The following SDCCAG8 variants were observed in gnomAD, a reference collection of about 807,000 sequenced individuals.
SDCCAG8 encodes SHH signaling and ciliogenesis regulator SDCCAG8, also known as serologically defined colon cancer antigen 8.
In SDCCAG8, 74 loss-of-function variants were observed where a neutral mutation model predicts 101.8. That is an observed-to-expected ratio of 0.73 (90% CI 0.60 to 0.88). SDCCAG8 has a LOEUF of 0.88. Among genes scored for constraint, SDCCAG8 ranks in the 40% least tolerant of loss-of-function variants. SDCCAG8 has a pLI of 0.00. For missense variants in SDCCAG8, 787 were observed against 822.6 expected, an observed-to-expected ratio of 0.96 and a Z score of 0.53; for synonymous variants, 281 against 292.9, an observed-to-expected ratio of 0.96 and a Z score of 0.41.
rs564739505 is a variant in SDCCAG8, at chr1:243,312,638, G to A, written c.930-4117G>A. ...GGAGAATTGCTTGAACCTGGGAGGCGGAGGTTGCAGTGAGCCAAGATTGCG... is the reference window on the plus strand; with the variant it reads ...GGAGAATTGCTTGAACCTGGGAGGCAGAGGTTGCAGTGAGCCAAGATTGCG... On this transcript the variant is annotated intron_variant, in intron 8 of 17. Coordinates refer to ENST00000366541, the MANE Select transcript of SDCCAG8 (RefSeq NM_006642.5). Among the ~76,000 whole-genome samples the A allele has an allele frequency of 3.8e-4, 58 of 151,830 alleles. 1 individual carries two copies. Among genetic ancestry groups the A allele is most frequent in the East Asian group, 1.9e-4 (1 of 5,158 alleles).
chr1:243,420,533 G>A (rs948198582), intron 15 of SDCCAG8, among the ~76,000 whole-genome samples: 3 of 152,176 alleles, frequency 2.0e-5, no homozygotes, highest in African/African-American at 7.2e-5. Context: ...TCAGGAAAAT[G>A]TGGATCTAGT....
intron 17 of SDCCAG8, among the ~76,000 whole-genome samples, chr1:243,492,561 C>T (rs1463009333): frequency 6.7e-6 from 1 of 150,164 alleles, no homozygotes; most frequent in East Asian, 2.0e-4. Context: ...ACCTTAGCCT[C>T]CTAAAGTGCT....
At chr1:243,490,118 AGAG>A (rs1388405583) in intron 17 of SDCCAG8, among the ~76,000 whole-genome samples, 1 of 152,378 alleles carries the variant, frequency 6.6e-6, no homozygotes, top group African/African-American at 2.4e-5. Flanking sequence ...ATGAAAACGA[AGAG>A]GAGTCTCATT....
At chr1:243,373,643 A>G (rs965054864) in intron 12 of SDCCAG8, among the ~76,000 whole-genome samples, 2 of 152,136 alleles carry the variant, frequency 1.3e-5, no homozygotes, top group African/African-American at 4.8e-5. Flanking sequence ...AATCACCAGA[A>G]CATGAGCTAA....
intron 6 of SDCCAG8, among the ~76,000 whole-genome samples, chr1:243,303,200 G>T (rs2071715137): frequency 6.6e-6 from 1 of 152,286 alleles, no homozygotes; most frequent in East Asian, 1.9e-4. Flanking sequence ...AGACATAGAA[G>T]AATCAGTGCC....
At chr1:243,343,827 A>G (rs2075529479) in intron 11 of SDCCAG8, among the ~76,000 whole-genome samples, 1 of 152,250 alleles carries the variant, frequency 6.6e-6, no homozygotes, top group Admixed American at 6.5e-5. Flanking sequence ...ATATAGAGTG[A>G]ATATTTAACT....
intron 12 of SDCCAG8, among the ~76,000 whole-genome samples, chr1:243,374,796 A>G (rs2077498571): frequency 2.0e-5 from 3 of 152,122 alleles, no homozygotes; most frequent in South Asian, 4.1e-4. Context: ...TTGACAGAAG[A>G]TAGAGATCAA....
chr1:243,491,277 A>T (rs1666347990), intron 17 of SDCCAG8, among the ~76,000 whole-genome samples: 1 of 152,190 alleles, frequency 6.6e-6, no homozygotes, highest in Non-Finnish European at 1.5e-5. Context: ...CATTAAAAAA[A>T]CCCCAAACCT....
chr1:243,271,648 T>G (rs1238579933), intron 3 of SDCCAG8, among the ~76,000 whole-genome samples: 1 of 152,084 alleles, frequency 6.6e-6, no homozygotes, highest in Admixed American at 6.6e-5. Context: ...GTTCAAGCGA[T>G]TCTCCTGCCT....
At chr1:243,436,302 A>T (rs1441376753) in intron 16 of SDCCAG8, among the ~76,000 whole-genome samples, 1 of 150,804 alleles carries the variant, frequency 6.6e-6, no homozygotes, top group East Asian at 2.0e-4. Context: ...TGTTGTAGCT[A>T]TTGTCCTACC....
At chr1:243,390,559 T>C (rs1352957937) in intron 13 of SDCCAG8, among the ~76,000 whole-genome samples, 1 of 152,204 alleles carries the variant, frequency 6.6e-6, no homozygotes, top group Non-Finnish European at 1.5e-5. Flanking sequence ...TTGCAGGTTC[T>C]GCTTAACGTT....
chr1:243,260,532 G>A (rs1276065479), intron 1 of SDCCAG8, among the ~76,000 whole-genome samples: 1 of 152,176 alleles, frequency 6.6e-6, no homozygotes, highest in Admixed American at 6.5e-5. Context: ...TCTATTTTAA[G>A]TACTGCACAC....
intron 15 of SDCCAG8, among the ~76,000 whole-genome samples, chr1:243,424,884 G>A (rs2081240030): frequency 6.6e-6 from 1 of 151,846 alleles, no homozygotes. Context: ...AAAGATCAAT[G>A]TTCTGCATTT....
At chr1:243,386,157 A>G (rs750416817) in intron 13 of SDCCAG8, among the ~76,000 whole-genome samples, 23 of 152,224 alleles carry the variant, frequency 1.5e-4, no homozygotes, top group Non-Finnish European at 2.5e-4. Context: ...TCTATAAGGT[A>G]CAGACTCCTA....
intron 17 of SDCCAG8, among the ~76,000 whole-genome samples, chr1:243,493,133 C>A (rs951808921): frequency 6.6e-6 from 1 of 151,002 alleles, no homozygotes; most frequent in Non-Finnish European, 1.5e-5. Context: ...CACACCCTGG[C>A]CTGTCTTTTG....
In SDCCAG8 at chr1:243,304,732, A is replaced by T. The variant is rs747968552; in HGVS notation, c.695A>T (p.Tyr232Phe). 1 of 1,590,060 alleles carries T rather than the reference A, an allele frequency of 6.3e-7. No individual in the cohort carries two copies. Among genetic ancestry groups the T allele is most frequent in the Non-Finnish European group, 8.6e-7 (1 of 1,158,280 alleles). Residue 232 changes from tyrosine (Y) to phenylalanine (F), a missense_variant, in exon 7 of 18, where the codon TAT (tyrosine) becomes TTT (phenylalanine). By Grantham distance (22) the Tyr-to-Phe change is conservative. Coordinates refer to ENST00000366541, the MANE Select transcript of SDCCAG8 (RefSeq NM_006642.5). Reference sequence around the variant, plus strand: ...CTATAGGAGAAGCTAAAACTTACTTATGAGGAAAAGTGTGAAATTGAGGAA... The same window carrying T: ...CTATAGGAGAAGCTAAAACTTACTTTTGAGGAAAAGTGTGAAATTGAGGAA... ...QLELEKLKLT[Y>F]EEKCEIEESQ... is the part of the protein sequence containing the mutation.
intron 16 of SDCCAG8, among the ~76,000 whole-genome samples, chr1:243,430,890 C>T (rs1001016322): frequency 1.3e-5 from 2 of 152,162 alleles, no homozygotes; most frequent in Admixed American, 6.5e-5. Context: ...GGAACAGAGC[C>T]ATCGTGTTTG....
intron 16 of SDCCAG8, among the ~76,000 whole-genome samples, chr1:243,436,449 G>T (rs925778583): frequency 5.3e-5 from 8 of 151,650 alleles, no homozygotes; most frequent in Non-Finnish European, 2.9e-5. Flanking sequence ...TTCTTTTTTT[G>T]CATATGGATA....
At chr1:243,345,919 A>G (rs768834790) in intron 12 of SDCCAG8, among the ~76,000 whole-genome samples, 11 of 152,208 alleles carry the variant, frequency 7.2e-5, no homozygotes, top group Non-Finnish European at 1.3e-4. Context: ...AAACAATAGT[A>G]GTTTTCATAA....
Sources: allele counts gnomAD v4.1 joint callset (sites outside exome capture counted in the v4.1 genomes callset), GRCh38; gene constraint gnomAD v4.1.1; transcripts MANE v1.5; gene names NCBI Gene and HGNC (gene_info 2026-07-23, HGNC 2026-07-21).